The following ZFC3H1 variants were observed in gnomAD, a reference collection of about 807,000 sequenced individuals.
ZFC3H1 encodes the protein zinc finger C3H1 domain-containing protein.
ZFC3H1 carries 71 observed loss-of-function variants against 243.7 expected under a neutral mutation model. The ratio of observed to expected loss-of-function variants is 0.29; its 90% CI spans 0.24 to 0.36. ZFC3H1 has a LOEUF of 0.36. Among genes scored for constraint, ZFC3H1 ranks in the 10% least tolerant of loss-of-function variants. The pLI is 1.00. For synonymous variants in ZFC3H1, 838 were observed against 813.0 expected (o/e 1.03, Z -0.52); for missense variants, 1,966 against 2,317.1 (o/e 0.85, Z 3.11).
At position 71,614,666 on chromosome 12, in the gene ZFC3H1, A is replaced by T. The variant is rs1188009789; in HGVS notation, c.5395T>A (p.Ser1799Thr). The T allele has an allele frequency of 6.2e-7, 1 of 1,611,748 alleles. No homozygotes were observed. The change falls in exon 30 of 35, where the codon TCC becomes ACC. Residue 1799 changes from serine (S) to threonine (T), a missense_variant. Coordinates refer to ENST00000378743, the MANE Select transcript of ZFC3H1 (RefSeq NM_144982.5). ...TTGAATTCTTGAACTTTGTTTCTGG[A>T]TCCAGCAGCTCTATTATTTGCAAAG... ...LVFANNRAAG[S>T]RNKVQEFKFF...
At chr12:71,616,681 CTAGTA>C (rs1289253456) in intron 27 of ZFC3H1, among the ~76,000 whole-genome samples, 1 of 152,140 alleles carries the variant, frequency 6.6e-6, no homozygotes. Context: ...AAATGACAAT[CTAGTA>C]TAACTATTTA....
chr12:71,646,903 A>G (rs1177465744), intron 3 of ZFC3H1, among the ~76,000 whole-genome samples: 2 of 152,352 alleles, frequency 1.3e-5, no homozygotes, highest in African/African-American at 2.4e-5. Context: ...AAGCTCATTA[A>G]ATTACTTGCT....
At chr12:71,616,795 A>G (rs1352196103) in intron 27 of ZFC3H1, among the ~76,000 whole-genome samples, 1 of 152,178 alleles carries the variant, frequency 6.6e-6, no homozygotes, top group African/African-American at 2.4e-5. Context: ...GAACATCTAG[A>G]AGTTAGGTTA....
chr12:71,662,012 A>G (rs560026504), intron 1 of ZFC3H1, among the ~76,000 whole-genome samples: 158 of 152,366 alleles, frequency 1.0e-3, no homozygotes, highest in Non-Finnish European at 2.0e-3. Flanking sequence ...TAAGTTTCAT[A>G]TATAATAACG....
chr12:71,640,911 C>G (rs1036520100), intron 6 of ZFC3H1, among the ~76,000 whole-genome samples: 1 of 151,606 alleles, frequency 6.6e-6, no homozygotes, highest in African/African-American at 2.4e-5. Context: ...GGAAAACATT[C>G]TTTTTTAATA....
intron 28 of ZFC3H1, 63 bp from the exon 29 acceptor site, chr12:71,615,001 A>G (rs940252819): frequency 1.1e-5 from 16 of 1,394,982 alleles, no homozygotes; most frequent in African/African-American, 1.1e-4. Context: ...AAGGAATGAC[A>G]AAGTATTTTA....
At position 71,610,132 on chromosome 12, in the gene ZFC3H1, A is replaced by G. The variant is rs961870457; in HGVS notation, c.*296T>C. On this transcript the variant is annotated 3_prime_UTR_variant, in exon 35 of 35. Coordinates refer to ENST00000378743, the MANE Select transcript of ZFC3H1 (RefSeq NM_144982.5). ...AATGGGGGAGAAAATAAAAAAAAAC[A>G]AAGCAAAATTAAAATAAATGTCAGT... 2 of 216,316 alleles carry G rather than the reference A, an allele frequency of 9.2e-6. No homozygotes were observed. Among genetic ancestry groups the G allele is most frequent in the African/African-American group, 4.6e-5 (2 of 43,678 alleles). 13.4% of individuals were successfully genotyped at this position (216,316 alleles called of 1,614,324 possible). A position where few individuals can be genotyped will look rare whatever the true frequency, so the allele number is the denominator to read the frequency against.
In ZFC3H1 at chr12:71,631,819, A is replaced by C; in HGVS notation, c.3429T>G (p.Phe1143Leu). The part of the protein sequence containing the change: ...SKTMEVKPCP[F>L]RPYHSPLLVF... The stretch of plus-strand genomic sequence containing the variant: ...CTAGAAGAGGACTATGGTAGGGTCT[A>C]AAAGGACATGGCTTCACTTCCATTG... Residue 1143 changes from phenylalanine (F) to leucine (L), a missense_variant, in exon 16 of 35, where the codon TTT (phenylalanine) becomes TTG (leucine). Phe to Leu is a conservative substitution (Grantham distance 22). This residue lies in a region of ZFC3H1 where 1,383 missense variants were observed against 1,723.7 expected (regional missense o/e 0.80). Transcript: ENST00000378743. 6.2e-7 allele frequency: 1 copy of C among 1,613,770 alleles called. No homozygotes were observed. The highest frequency in any genetic ancestry group is 1.3e-5 in the African/African-American group (1 of 75,050).
chr12:71,631,078 T>A, intron 16 of ZFC3H1, 124 bp from the exon 17 acceptor site: 2 of 952,368 alleles, frequency 2.1e-6, no homozygotes, highest in Non-Finnish European at 2.8e-6. Context: ...GCTATTTATC[T>A]AATTAAATTA....
In ZFC3H1 at chr12:71,634,324, T is replaced by C. The variant is rs1239630076; in HGVS notation, c.2361-20A>G. 5 of 1,610,722 alleles carry C rather than the reference T, an allele frequency of 3.1e-6. No homozygotes were observed. Among genetic ancestry groups the C allele is most frequent in the Non-Finnish European group, 3.4e-6 (4 of 1,178,674 alleles). ...TCACGGCTAAAATTATCAAAAAGGA[T>C]ATATGCATTACACCCAAGAATAAAC... On this transcript the variant is annotated intron_variant, in intron 11 of 34. Coordinates refer to ENST00000378743, the MANE Select transcript of ZFC3H1 (RefSeq NM_144982.5).
At chr12:71,635,192 C>A (rs370118128) in intron 10 of ZFC3H1, among the ~76,000 whole-genome samples, 2 of 152,172 alleles carry the variant, frequency 1.3e-5, no homozygotes, top group African/African-American at 2.4e-5. Context: ...AATTATCCAA[C>A]CAATTTTACT....
chr12:71,631,495 A>G (rs771020955), intron 16 of ZFC3H1, among the ~76,000 whole-genome samples: 105 of 152,124 alleles, frequency 6.9e-4, no homozygotes, highest in Non-Finnish European at 1.4e-3. Context: ...AACCTCTAAG[A>G]TTCCAATTAT....
At position 71,614,429 on chromosome 12, in the gene ZFC3H1, T is replaced by C. The variant is rs1047007088; in HGVS notation, c.5526+106A>G. On this transcript the variant is annotated intron_variant, in intron 30 of 34. Transcript: ENST00000378743. ...AGAATAATAGTGAATGTTAAGAAAG[T>C]AGTCCTAGGAAAAGCTCTCTTGATA... 45 of 1,033,014 alleles carry C rather than the reference T, an allele frequency of 4.4e-5. 1 individual carries two copies. The East Asian group carries it at 6.4e-4, about 15-fold the overall frequency. 64.0% of individuals were successfully genotyped at this position (1,033,014 alleles called of 1,614,324 possible).
rs1879866623 is a variant in ZFC3H1 at position 71,615,266 on chromosome 12, T to C, written c.5195A>G (p.Lys1732Arg). The change falls in exon 28 of 35, where the codon AAA becomes AGA. Residue 1732 changes from lysine to arginine, a missense_variant. Coordinates refer to ENST00000378743, the MANE Select transcript of ZFC3H1 (RefSeq NM_144982.5). ...AAACATATCATCATCAAAATTCCCT[T>C]TACATAAACGAGATGGAATGTCAAT... ...GPIDIPSRLCKGNFDDDMFNH... is the reference protein window; with the variant it reads ...GPIDIPSRLCRGNFDDDMFNH... The C allele has an allele frequency of 1.7e-5, 28 of 1,613,552 alleles. No individual in the cohort carries two copies. The highest frequency in any genetic ancestry group is 2.3e-5 in the Non-Finnish European group (27 of 1,179,798).
intron 12 of ZFC3H1, among the ~76,000 whole-genome samples, chr12:71,633,901 A>G (rs1288944712): frequency 6.6e-6 from 1 of 152,120 alleles, no homozygotes; most frequent in Non-Finnish European, 1.5e-5. Flanking sequence ...CAAGTGATCC[A>G]CCCACCTCGG....
intron 16 of ZFC3H1, 56 bp from the exon 17 acceptor site, chr12:71,631,010 C>G: frequency 9.0e-6 from 13 of 1,442,294 alleles, no homozygotes; most frequent in Non-Finnish European, 1.2e-5. Flanking sequence ...CCTCAGAAAA[C>G]TAAGAAAACT....
intron 22 of ZFC3H1, 152 bp from the exon 23 acceptor site, chr12:71,624,444 T>A (rs1262546348): frequency 5.1e-6 from 4 of 783,124 alleles, no homozygotes; most frequent in Non-Finnish European, 7.9e-6. Flanking sequence ...CATCTTCTAG[T>A]ACTACAACCT....
At chr12:71,652,478 G>A (rs1027582883) in intron 2 of ZFC3H1, among the ~76,000 whole-genome samples, 4 of 152,060 alleles carry the variant, frequency 2.6e-5, no homozygotes, top group African/African-American at 9.7e-5. Context: ...ACACATATTT[G>A]ATTAATCTCA....
rs113292179 is a variant in ZFC3H1, at chr12:71,636,298, C to A, written c.2100+192G>T. The stretch of plus-strand genomic sequence containing the variant: ...CCAACACACTATCACCAAACTCTTA[C>A]CAGTTTTCAAGTGAAGGTGTTGCTC... On this transcript the variant is annotated intron_variant, in intron 9 of 34. Transcript: ENST00000378743. 2.5e-3 allele frequency among the ~76,000 whole-genome samples: 375 copies of A among 152,176 alleles called. 3 individuals are homozygous for A. Among genetic ancestry groups the A allele is most frequent in the African/African-American group, 8.2e-3 (340 of 41,532 alleles).
Sources: allele counts gnomAD v4.1 joint callset (sites outside exome capture counted in the v4.1 genomes callset), GRCh38; gene constraint gnomAD v4.1.1; regional missense constraint gnomAD v4.1.1; transcripts MANE v1.5; gene names NCBI Gene and HGNC (gene_info 2026-07-23, HGNC 2026-07-21).